Variants in CDH5 observed in about 807,000 individuals in gnomAD.
CDH5 encodes cadherin-5.
In CDH5, 28 loss-of-function variants were observed where a neutral mutation model predicts 62.0. That is an observed-to-expected ratio of 0.45 (90% CI 0.33 to 0.62). The LOEUF is 0.62. Among genes scored for constraint, CDH5 ranks in the 20% least tolerant of loss-of-function variants. The pLI is 0.02. For synonymous variants in CDH5, 464 were observed against 445.8 expected (o/e 1.04, Z -0.52); for missense variants, 940 against 1,065.1 (o/e 0.88, Z 1.63).
intron 9 of CDH5, 64 bp from the exon 10 acceptor site, chr16:66,398,392 A>G: frequency 1.9e-6 from 2 of 1,067,260 alleles, no homozygotes; most frequent in Non-Finnish European, 2.9e-6. Flanking sequence ...CTCCATCGCT[A>G]AACCTCAGAC....
At chr16:66,396,002 G>C (rs1320947260) in intron 7 of CDH5, 57 bp from the exon 8 acceptor site, 1 of 1,571,764 alleles carries the variant, frequency 6.4e-7, no homozygotes, top group East Asian at 2.2e-5. Context: ...ATCATGCTGA[G>C]GAGTGTAGAC....
chr16:66,366,920 G>A (rs1470678910), intron 1 of CDH5, among the ~76,000 whole-genome samples, 162 bp downstream of exon 1: 1 of 152,254 alleles, frequency 6.6e-6, no homozygotes, highest in African/African-American at 2.4e-5. Context: ...CTCAGAGCAG[G>A]GTCGGGGAAG....
At chr16:66,397,088 A>T (rs1460693467) in intron 8 of CDH5, among the ~76,000 whole-genome samples, 1 of 152,248 alleles carries the variant, frequency 6.6e-6, no homozygotes, top group Non-Finnish European at 1.5e-5. Flanking sequence ...CTATTAGCAC[A>T]TTCATGTATT....
chr16:66,371,556 T>A (rs188697923), intron 1 of CDH5, among the ~76,000 whole-genome samples: 40 of 151,998 alleles, frequency 2.6e-4, no homozygotes, highest in Middle Eastern at 6.8e-3. Context: ...TGGTCAGGGG[T>A]GTGCACTTGT....
rs1567468130 is a variant in CDH5 at position 66,397,967 on chromosome 16, T to C, written c.1361-15T>C. The C allele has an allele frequency of 1.2e-6, 2 of 1,614,086 alleles. No individual in the cohort carries two copies. Among genetic ancestry groups the C allele is most frequent in the South Asian group, 2.2e-5 (2 of 91,080 alleles). ...TCAGCTGAGCCCATAATGGTGACAG[T>C]CTTCTCCCCTGCAGGAACCCCCACA... On this transcript the variant is annotated splice_polypyrimidine_tract_variant and intron_variant, in intron 8 of 11. Coordinates refer to ENST00000341529, the MANE Select transcript of CDH5 (RefSeq NM_001795.5).
chr16:66,402,259 G>A (rs1227985745), intron 11 of CDH5, among the ~76,000 whole-genome samples: 5 of 151,080 alleles, frequency 3.3e-5, no homozygotes, highest in Non-Finnish European at 7.4e-5. Context: ...TGCACTTCAA[G>A]GTCTACCCCT....
Position 66,385,572 on chromosome 16 carries a change from C to T in CDH5, c.211-1237C>T, listed in dbSNP as rs182830041. ...GCTGTCCAGGGGAAAAGTTCTGATG[C>T]GTAGCACTTGCCAATTTCCATGGTG... is the stretch of plus-strand genomic sequence containing the variant. On this transcript the variant is annotated intron_variant, in intron 2 of 11. Coordinates refer to ENST00000341529, the MANE Select transcript of CDH5 (RefSeq NM_001795.5). 4.6e-5 allele frequency among the ~76,000 whole-genome samples: 7 copies of T among 152,292 alleles called. No homozygotes were observed. In the East Asian group the frequency reaches 5.8e-4, roughly 13 times the overall value.
At chr16:66,394,221 C>G (rs947963824) in intron 7 of CDH5, among the ~76,000 whole-genome samples, 26 of 152,170 alleles carry the variant, frequency 1.7e-4, no homozygotes, top group African/African-American at 6.0e-4. Flanking sequence ...ATGTAATTAG[C>G]CAATTTGTTC....
chr16:66,390,357 CT>C, intron 5 of CDH5, 45 bp from the exon 6 acceptor site: 1 of 1,477,398 alleles, frequency 6.8e-7, no homozygotes, highest in Non-Finnish European at 9.2e-7. Flanking sequence ...ATCGCCTTGT[CT>C]ATCTCATTAA....
In CDH5 at chr16:66,381,862, T is replaced by C. The variant is rs532266604; in HGVS notation, c.210+2315T>C. The stretch of plus-strand genomic sequence containing the variant: ...CTACAATGGCAAAGTTGAGTGGTGG[T>C]GACAAAGACCAAATGACCATAAGGC... On this transcript the variant is annotated intron_variant, in intron 2 of 11. Transcript: ENST00000341529. 6.6e-5 allele frequency among the ~76,000 whole-genome samples: 10 copies of C among 152,356 alleles called. No individual in the cohort carries two copies. In the South Asian group the frequency reaches 1.4e-3, roughly 22 times the overall value.
intron 1 of CDH5, among the ~76,000 whole-genome samples, chr16:66,374,700 T>A (rs1418205397): frequency 1.3e-5 from 2 of 151,948 alleles, no homozygotes; most frequent in Non-Finnish European, 2.9e-5. Context: ...TCTTTTTTTT[T>A]TTTTTTTTCA....
chr16:66,397,114 AT>A (rs1961199000), intron 8 of CDH5, among the ~76,000 whole-genome samples: 1 of 152,212 alleles, frequency 6.6e-6, no homozygotes, highest in African/African-American at 2.4e-5. Flanking sequence ...TTTTATACAT[AT>A]TTTTATACTT....
At chr16:66,401,142 G>C in intron 11 of CDH5, 126 bp downstream of exon 11, 1 of 1,243,944 alleles carries the variant, frequency 8.0e-7, no homozygotes, top group Admixed American at 2.0e-5. Flanking sequence ...CCTCCAATCT[G>C]CAATGCAGCC....
At chr16:66,368,846 G>A (rs1028444618) in intron 1 of CDH5, among the ~76,000 whole-genome samples, 1 of 152,232 alleles carries the variant, frequency 6.6e-6, no homozygotes, top group Non-Finnish European at 1.5e-5. Flanking sequence ...CACAGAGGCA[G>A]GCACAGGGAC....
intron 11 of CDH5, 124 bp from the exon 12 acceptor site, chr16:66,402,528 A>G: frequency 1.4e-6 from 1 of 739,166 alleles, no homozygotes; most frequent in Admixed American, 3.6e-5. Context: ...AGGGGGGGCC[A>G]AAGGGATGGG....
rs1401965565 is a variant in CDH5, at chr16:66,400,913, C to T, written c.1734C>T (p.Cys578=). 4 of 1,614,204 alleles carry T rather than the reference C, an allele frequency of 2.5e-6. No homozygotes were observed. The East Asian group carries it at 6.7e-5, about 27-fold the overall frequency. ...TSTLTVAVCK[C]NEQGEFTFCE... is the part of the protein sequence containing the mutation. ...CGCTGACCGTGGCCGTGTGCAAGTGCAACGAGCAGGGCGAGTTCACCTTCT... is the reference window on the plus strand; with the variant it reads ...CGCTGACCGTGGCCGTGTGCAAGTGTAACGAGCAGGGCGAGTTCACCTTCT... The change falls in exon 11 of 12, where the codon TGC becomes TGT. Residue 578 remains cysteine (C), a synonymous_variant. Transcript: ENST00000341529.
At chr16:66,390,287 T>C in intron 5 of CDH5, 116 bp from the exon 6 acceptor site, 1 of 753,368 alleles carries the variant, frequency 1.3e-6, no homozygotes, top group East Asian at 2.8e-5. Flanking sequence ...TTATTATTTA[T>C]GATTATTTTA....
chr16:66,388,519 A>T (rs1961026243), intron 4 of CDH5, 79 bp downstream of exon 4: 1 of 893,302 alleles, frequency 1.1e-6, no homozygotes, highest in Admixed American at 1.8e-5. Context: ...GCATGTGCTA[A>T]GGGAAGTCCA....
chr16:66,393,044 A>G (rs919286941), intron 7 of CDH5: 2 of 152,290 alleles, frequency 1.3e-5, no homozygotes, highest in Non-Finnish European at 1.5e-5. Flanking sequence ...CTCTTTTACA[A>G]TCTTTAGAAA....
Sources: gnomAD v4.1 joint callset for allele counts (sites outside exome capture counted in the v4.1 genomes callset) on GRCh38, gnomAD v4.1.1 for gene constraint, MANE v1.5 for transcripts, NCBI Gene and HGNC (gene_info 2026-07-23, HGNC 2026-07-21) for gene names.